Variants in DMD observed in about 807,000 individuals in gnomAD.
DMD encodes the protein dystrophin, also known as mutant dystrophin.
Under a neutral mutation model 330.1 loss-of-function variants are expected in DMD, and 63 were observed. The ratio of observed to expected loss-of-function variants is 0.19; its 90% CI spans 0.16 to 0.24. The LOEUF (loss-of-function observed/expected upper bound fraction) is 0.24. DMD is among the 10% of genes least tolerant of loss of function. The pLI is 1.00. For missense variants in DMD, 3,344 were observed against 2,684.1 expected (o/e 1.25, Z -5.43); for synonymous variants, 1,223 against 959.8 (o/e 1.27, Z -5.07).
intron 17 of DMD, among the ~76,000 whole-genome samples, chrX:32,534,186 A>T (rs1363272017): frequency 8.9e-6 from 1 of 112,079 alleles, no homozygotes; most frequent in Non-Finnish European, 1.9e-5. Flanking sequence ...TTCCAAAATT[A>T]AGGTACCAGC....
intron 52 of DMD, among the ~76,000 whole-genome samples, chrX:31,686,980 G>C (rs1470187956): frequency 9.0e-6 from 1 of 111,694 alleles, no homozygotes; most frequent in Non-Finnish European, 1.9e-5. Context: ...TACCAGCTCA[G>C]CCACAGTAGG....
intron 21 of DMD, among the ~76,000 whole-genome samples, chrX:32,478,886 A>G (rs1186078620): frequency 9.0e-6 from 1 of 111,082 alleles, no homozygotes; most frequent in Non-Finnish European, 1.9e-5. Context: ...AATTTGTTTT[A>G]TAAGTCATAA....
intron 44 of DMD, among the ~76,000 whole-genome samples, chrX:32,111,286 G>A (rs960442376): frequency 3.6e-5 from 4 of 111,687 alleles, no homozygotes; most frequent in Admixed American, 9.5e-5. Context: ...CATTCTTTTC[G>A]TTTCTCCGTG....
At chrX:31,173,715 T>C in intron 71 of DMD, 111 bp from the exon 72 acceptor site, 4 of 583,881 alleles carry the variant, frequency 6.9e-6, no homozygotes, top group South Asian at 3.5e-5. Flanking sequence ...TCTAATTCTA[T>C]GGATAATGTA....
In DMD at chrX:31,480,554, T is replaced by TG. The variant is rs2068187657; in HGVS notation, c.8548-1452_8548-1451insC. 1.7e-3 allele frequency among the ~76,000 whole-genome samples: 157 copies of TG among 91,339 alleles called. 1 individual carries two copies. The East Asian group carries it at 0.023, about 13-fold the overall frequency. 79.3% of individuals were successfully genotyped at this position (91,339 alleles called of 115,157 possible). A position where few individuals can be genotyped will look rare whatever the true frequency, so the allele number is the denominator to read the frequency against. On this transcript the variant is annotated intron_variant, in intron 57 of 78. Transcript: ENST00000357033. ...GATATTTCACTTGAAATCTCCATGTTTGTGTGTGTGTGTGTGTGTGTGTGT... is the reference window on the plus strand; with the variant it reads ...GATATTTCACTTGAAATCTCCATGTTGTGTGTGTGTGTGTGTGTGTGTGTGT...
intron 28 of DMD, among the ~76,000 whole-genome samples, chrX:32,440,584 G>C (rs1338752250): frequency 9.0e-6 from 1 of 111,155 alleles, no homozygotes; most frequent in African/African-American, 3.3e-5. Context: ...AAAATGCATA[G>C]AGCTTGAATG....
intron 61 of DMD, among the ~76,000 whole-genome samples, chrX:31,345,764 C>T (rs2058047646): frequency 8.9e-6 from 1 of 111,839 alleles, no homozygotes; most frequent in African/African-American, 3.3e-5. Context: ...CACGATCCCA[C>T]TCATTTAGAT....
chrX:31,752,131 T>C (rs2088629357), intron 51 of DMD, among the ~76,000 whole-genome samples: 1 of 112,029 alleles, frequency 8.9e-6, no homozygotes, highest in South Asian at 3.7e-4. Flanking sequence ...ACCCAGGCTA[T>C]CTCTCCGTGT....
chrX:31,926,496 G>A (rs1685421147), intron 47 of DMD, among the ~76,000 whole-genome samples: 1 of 110,145 alleles, frequency 9.1e-6, no homozygotes. Flanking sequence ...CCGACATGGC[G>A]AACCCTCCAT....
In DMD at chrX:33,238,398, G is replaced by A. The variant is rs138548033; in HGVS notation, c.7+100861C>T. ...TTGATGGTTTATTAAAACACAAGAAGCATCTAAACTGCCCCACAAATATCA... is the reference window on the plus strand; with the variant it reads ...TTGATGGTTTATTAAAACACAAGAAACATCTAAACTGCCCCACAAATATCA... On this transcript the variant is annotated intron_variant, in intron 1 of 17. Coordinates refer to the DMD transcript ENST00000288447. Among the ~76,000 whole-genome samples, 109 of 111,684 alleles carry A rather than the reference G, an allele frequency of 9.8e-4. No individual in the cohort carries two copies. In the East Asian group the frequency reaches 0.029, roughly 30 times the overall value.
chrX:33,037,335 GAA>G (rs1180880062), intron 1 of DMD, among the ~76,000 whole-genome samples: 3 of 102,863 alleles, frequency 2.9e-5, no homozygotes, highest in Non-Finnish European at 4.0e-5. Flanking sequence ...ACTCAAGGGA[GAA>G]AAAGTCTCTT....
chrX:31,328,215 T>C (rs1391497883), intron 61 of DMD, among the ~76,000 whole-genome samples: 1 of 112,165 alleles, frequency 8.9e-6, no homozygotes, highest in Admixed American at 9.5e-5. Flanking sequence ...TTTGCACATA[T>C]TTTAGTTACT....
At chrX:33,262,654 G>A (rs1246138654) in intron 1 of DMD, among the ~76,000 whole-genome samples, 2 of 110,760 alleles carry the variant, frequency 1.8e-5, no homozygotes, top group Non-Finnish European at 3.8e-5. Flanking sequence ...TACTAATCTC[G>A]ATGCAAAACA....
At chrX:31,284,307 G>A (rs997130587) in intron 62 of DMD, among the ~76,000 whole-genome samples, 19 of 111,300 alleles carry the variant, frequency 1.7e-4, no homozygotes, top group Admixed American at 1.5e-3. Flanking sequence ...GCAAGCATCC[G>A]CAAATGAGGA....
intron 44 of DMD, among the ~76,000 whole-genome samples, chrX:32,094,544 T>C: frequency 9.0e-6 from 1 of 111,206 alleles, no homozygotes; most frequent in Non-Finnish European, 1.9e-5. Flanking sequence ...TTAATGTTTG[T>C]TAGAGTCTAT....
chrX:31,427,616 T>C lies in DMD; in HGVS notation c.9084+16865A>G, dbSNP rs555813106. 7.1e-5 allele frequency among the ~76,000 whole-genome samples: 8 copies of C among 112,185 alleles called. No individual in the cohort carries two copies. In the South Asian group the frequency reaches 2.9e-3, roughly 41 times the overall value. On this transcript the variant is annotated intron_variant, in intron 60 of 78. Transcript: ENST00000357033. ...ACTTGTTTTGCAGGTTTTATGTACT[T>C]AATTGCAAGTAGGAGGCTAATGAAA...
intron 1 of DMD, among the ~76,000 whole-genome samples, chrX:33,274,211 G>A (rs930754822): frequency 8.9e-6 from 1 of 111,891 alleles, no homozygotes; most frequent in African/African-American, 3.2e-5. Flanking sequence ...AAATCCTAGA[G>A]AATTCTACTG....
chrX:33,096,136 G>A (rs1434492390), intron 1 of DMD, among the ~76,000 whole-genome samples: 2 of 108,974 alleles, frequency 1.8e-5, no homozygotes, highest in South Asian at 4.0e-4. Flanking sequence ...CACCACGCCC[G>A]GCTAACTTTT....
intron 12 of DMD, among the ~76,000 whole-genome samples, chrX:32,611,013 T>G (rs973062951): frequency 9.0e-6 from 1 of 111,286 alleles, no homozygotes; most frequent in Non-Finnish European, 1.9e-5. Flanking sequence ...AGTGTTCCTT[T>G]AATTCTGTAT....
Sources: gnomAD v4.1 joint callset for allele counts (sites outside exome capture counted in the v4.1 genomes callset) on GRCh38, gnomAD v4.1.1 for gene constraint, MANE v1.5 for transcripts, NCBI Gene and HGNC (gene_info 2026-07-23, HGNC 2026-07-21) for gene names.